PTGR1: variants seen among roughly 807,000 people sequenced by gnomAD.
PTGR1 encodes prostaglandin reductase 1.
In PTGR1, 23 loss-of-function variants were observed where a neutral mutation model predicts 37.7. The ratio of observed to expected loss-of-function variants is 0.61; its 90% CI spans 0.44 to 0.86. PTGR1 has a LOEUF of 0.86. PTGR1 is among the 40% of genes least tolerant of loss of function. PTGR1 has a pLI of 0.00. For missense variants in PTGR1, 351 were observed against 394.3 expected (o/e 0.89, Z 0.93); for synonymous variants, 134 against 140.0 (o/e 0.96, Z 0.30).
intron 7 of PTGR1, among the ~76,000 whole-genome samples, chr9:111,575,626 G>T (rs1829023037): frequency 6.6e-6 from 1 of 152,200 alleles, no homozygotes; most frequent in Admixed American, 6.5e-5. Flanking sequence ...TTCTACAGAA[G>T]TGCTAAAGCA....
downstream of PTGR1, among the ~76,000 whole-genome samples, chr9:111,558,493 C>A (rs961485113): frequency 8.5e-5 from 13 of 152,128 alleles, no homozygotes; most frequent in African/African-American, 3.1e-4. Flanking sequence ...GCCTGGACAA[C>A]ATAGCAAGAA....
chr9:111,597,225 TAA>T (rs1157064936), intron 2 of PTGR1, 90 bp downstream of exon 2: 2 of 977,536 alleles, frequency 2.0e-6, no homozygotes, highest in African/African-American at 3.2e-5. Flanking sequence ...CGTTGTTGCT[TAA>T]AGTCACTAAA....
At chr9:111,586,364 CT>C (rs1033542025) in intron 4 of PTGR1, among the ~76,000 whole-genome samples, 199 bp from the exon 5 acceptor site, 5 of 152,180 alleles carry the variant, frequency 3.3e-5, no homozygotes, top group Admixed American at 6.5e-5. Flanking sequence ...GGCCCAGCCA[CT>C]TGAGGAAGGA....
At chr9:111,565,945 C>T (rs1257126428) in intron 9 of PTGR1, among the ~76,000 whole-genome samples, 1 of 152,144 alleles carries the variant, frequency 6.6e-6, no homozygotes, top group Admixed American at 6.5e-5. Context: ...GGCGCGGTGG[C>T]TCACACGTAT....
chr9:111,587,020 A>G (rs974627693), intron 4 of PTGR1, among the ~76,000 whole-genome samples: 1 of 151,928 alleles, frequency 6.6e-6, no homozygotes, highest in Non-Finnish European at 1.5e-5. Flanking sequence ...TCACCATGTT[A>G]GCCAGGCTGA....
At chr9:111,599,379 G>C (rs41279067) in intron 1 of PTGR1, 21,501 of 152,388 alleles carry the variant, frequency 0.14, 1,647 homozygotes, top group East Asian at 0.24. Context: ...TATTCCCTCC[G>C]GCGCGCGGCT....
At chr9:111,552,757 A>C (rs1828006680) in intron 9 of PTGR1, among the ~76,000 whole-genome samples, 1 of 152,208 alleles carries the variant, frequency 6.6e-6, no homozygotes, top group Non-Finnish European at 1.5e-5. Context: ...AAAATACTTG[A>C]AATTTTTCAA....
rs150063985 is a variant in PTGR1, at chr9:111,565,938, G to A, written c.880-2707C>T. 2.9e-4 allele frequency among the ~76,000 whole-genome samples: 44 copies of A among 152,292 alleles called. No homozygotes were observed. In the East Asian group the frequency reaches 6.6e-3, roughly 23 times the overall value. ...GACTTAAAACCCACTAGGGCTGGGC[G>A]CGGTGGCTCACACGTATAATTCGAG... On this transcript the variant is annotated intron_variant, in intron 9 of 9. Transcript: ENST00000407693.
intron 9 of PTGR1, among the ~76,000 whole-genome samples, chr9:111,566,590 T>G (rs1265586972): frequency 6.6e-6 from 1 of 152,184 alleles, no homozygotes; most frequent in African/African-American, 2.4e-5. Flanking sequence ...GTTTGAAAAT[T>G]ATCACAGCAC....
Position 111,570,073 on chromosome 9 carries a change from G to A in PTGR1, c.879+18C>T. On this transcript the variant is annotated intron_variant, in intron 9 of 9. Transcript: ENST00000407693. ...GACCTAGTGTACAATTGGAAGGGGT[G>A]GCTCCGGAGCTCCTTACCTCTAAGA... 2 of 1,613,888 alleles carry A rather than the reference G, an allele frequency of 1.2e-6. No homozygotes were observed.
chr9:111,594,524 G>T (rs527834611), intron 2 of PTGR1, among the ~76,000 whole-genome samples: 1 of 151,222 alleles, frequency 6.6e-6, no homozygotes, highest in East Asian at 1.9e-4. Flanking sequence ...GGAACTCAAG[G>T]CCTGATGCCT....
rs1008937376 is a variant in PTGR1 at position 111,592,794 on chromosome 9, G to T, written c.209+132C>A. ...GGAAGGAGACAGAATTTCCCAAGTTGATTCCAAGATCACACAGTGAGTCAA... is the reference window on the plus strand; with the variant it reads ...GGAAGGAGACAGAATTTCCCAAGTTTATTCCAAGATCACACAGTGAGTCAA... On this transcript the variant is annotated intron_variant, in intron 4 of 9. Transcript: ENST00000407693. 17 of 1,235,742 alleles carry T rather than the reference G, an allele frequency of 1.4e-5. No homozygotes were observed. The African/African-American group carries it at 2.0e-4, about 15-fold the overall frequency. The allele number at this position is 1,235,742 out of a possible 1,614,324, so 76.5% of individuals were successfully genotyped here.
intron 7 of PTGR1, chr9:111,576,449 C>A: frequency 6.2e-7 from 1 of 1,613,666 alleles, no homozygotes; most frequent in Non-Finnish European, 8.5e-7. Context: ...AACTGTTACA[C>A]AGAGATGACC....
intron 9 of PTGR1, among the ~76,000 whole-genome samples, chr9:111,551,400 G>GTTTTTT (rs58638722): frequency 0.037 from 2,747 of 74,518 alleles, 2 homozygotes; most frequent in Middle Eastern, 0.062. Context: ...TCCAGTTTTT[G>GTTTTTT]TTTTTTTTTT....
At chr9:111,551,372 C>T (rs1028511898) in intron 9 of PTGR1, among the ~76,000 whole-genome samples, 4 of 147,558 alleles carry the variant, frequency 2.7e-5, no homozygotes, top group Non-Finnish European at 6.0e-5. Flanking sequence ...CTTAATTTTC[C>T]AATAACTGAA....
At chr9:111,597,616 T>C (rs1829822626) in intron 1 of PTGR1, among the ~76,000 whole-genome samples, 184 bp from the exon 2 acceptor site, 1 of 152,246 alleles carries the variant, frequency 6.6e-6, no homozygotes, top group African/African-American at 2.4e-5. Context: ...GCACTTCATA[T>C]AGATTACCTC....
At chr9:111,566,561 A>G (rs1828571196) in intron 9 of PTGR1, among the ~76,000 whole-genome samples, 2 of 152,244 alleles carry the variant, frequency 1.3e-5, no homozygotes, top group African/African-American at 4.8e-5. Context: ...TCTGTTGACT[A>G]AAACTTACAT....
intron 1 of PTGR1, 73 bp from the exon 2 acceptor site, chr9:111,597,505 G>T: frequency 1.2e-6 from 1 of 861,650 alleles, no homozygotes; most frequent in Non-Finnish European, 1.9e-6. Context: ...CCGTCAAACT[G>T]AGACCAGACA....
chr9:111,596,283 TG>T (rs1449871220), intron 2 of PTGR1, among the ~76,000 whole-genome samples: 1 of 152,160 alleles, frequency 6.6e-6, no homozygotes, highest in Non-Finnish European at 1.5e-5. Context: ...GCTTTGACCA[TG>T]GGATATTAGC....
Sources: allele counts gnomAD v4.1 joint callset (sites outside exome capture counted in the v4.1 genomes callset), GRCh38; gene constraint gnomAD v4.1.1; transcripts MANE v1.5; gene names NCBI Gene and HGNC (gene_info 2026-07-23, HGNC 2026-07-21).